Variants in ANKRD55 observed in about 807,000 individuals in gnomAD.
ANKRD55 encodes ankyrin repeat domain 55, also known as ankyrin repeat domain-containing protein 55.
ANKRD55 carries 41 observed loss-of-function variants against 60.6 expected under a neutral mutation model. That is an observed-to-expected ratio of 0.68 (90% CI 0.53 to 0.88). The LOEUF is 0.88. ANKRD55 is among the 40% of genes least tolerant of loss of function. ANKRD55 has a pLI of 0.00. For missense variants in ANKRD55, 732 were observed against 767.6 expected (o/e 0.95, Z 0.55); for synonymous variants, 264 against 290.3 (o/e 0.91, Z 0.92).
chr5:56,139,295 C>T (rs997497985), intron 7 of ANKRD55, among the ~76,000 whole-genome samples: 11 of 152,080 alleles, frequency 7.2e-5, no homozygotes, highest in South Asian at 2.1e-4. Flanking sequence ...TAGGGACCTA[C>T]GGTTCACAAA....
intron 5 of ANKRD55, among the ~76,000 whole-genome samples, chr5:56,165,804 CTG>C (rs1758432943): frequency 1.3e-5 from 2 of 152,116 alleles, no homozygotes; most frequent in Non-Finnish European, 2.9e-5. Context: ...TGGTGCGTGT[CTG>C]TAATCCCAGC....
rs576523525 is a variant in ANKRD55, at chr5:56,116,264, C to T, written c.965+351G>A. Among the ~76,000 whole-genome samples, 90 of 151,772 alleles carry T rather than the reference C, an allele frequency of 5.9e-4. 1 individual carries two copies. The highest frequency in any genetic ancestry group is 1.9e-3 in the African/African-American group (78 of 41,378). On this transcript the variant is annotated intron_variant, in intron 9 of 11. Coordinates refer to ENST00000341048, the MANE Select transcript of ANKRD55 (RefSeq NM_024669.3). ...TGAGAGTGTAAAAGGGTCCCGAGAA[C>T]GAAAGTTTGAGACTCATCAAATTAG...
intron 5 of ANKRD55, among the ~76,000 whole-genome samples, chr5:56,162,387 C>A (rs569192850): frequency 6.6e-6 from 1 of 152,282 alleles, no homozygotes; most frequent in South Asian, 2.1e-4. Flanking sequence ...CCCTTGGCTT[C>A]CTATCGGGTT....
intron 3 of ANKRD55, among the ~76,000 whole-genome samples, chr5:56,178,165 A>G (rs16885002): frequency 1.1e-4 from 17 of 151,826 alleles, no homozygotes; most frequent in Non-Finnish European, 2.5e-4. Flanking sequence ...ATGCATAACC[A>G]AATGATTACT....
intron 6 of ANKRD55, among the ~76,000 whole-genome samples, chr5:56,156,244 C>T (rs1021961624): frequency 2.6e-4 from 39 of 152,314 alleles, no homozygotes; most frequent in African/African-American, 8.7e-4. Flanking sequence ...TGTTGAGGCC[C>T]TTGCTCTGCT....
At chr5:56,171,437 T>C (rs540061278) in intron 4 of ANKRD55, among the ~76,000 whole-genome samples, 1 of 152,322 alleles carries the variant, frequency 6.6e-6, no homozygotes, top group African/African-American at 2.4e-5. Context: ...TGGCCACATC[T>C]CATGCTTGTC....
At chr5:56,217,082 G>T (rs1256528938) in intron 2 of ANKRD55, among the ~76,000 whole-genome samples, 1 of 152,234 alleles carries the variant, frequency 6.6e-6, no homozygotes, top group Non-Finnish European at 1.5e-5. Context: ...TGGAGTTGAA[G>T]CCAGTGCTCA....
In ANKRD55 at chr5:56,111,215, AG is replaced by A. The variant is rs1756684751; in HGVS notation, c.1532del (p.Ser511PhefsTer57). 6.2e-7 allele frequency: 1 copy of A among 1,614,218 alleles called. No individual in the cohort carries two copies. The highest frequency in any genetic ancestry group is 8.5e-7 in the Non-Finnish European group (1 of 1,180,040). On this transcript the variant is annotated frameshift_variant, in exon 10 of 12. Transcript: ENST00000341048. LOFTEE classifies it high-confidence loss of function. Reference protein sequence around the residue: ...VFSYKVWTVSSSDKLLDRLLS... With the variant: ...VFSYKVWTVSXSDKLLDRLLS... The stretch of plus-strand genomic sequence containing the variant: ...GCAATCTGTCCAGCAGCTTATCAGA[AG>A]AAGACACAGTCCAAACTTTGTAGGA...
chr5:56,143,249 T>C (rs148864439), intron 7 of ANKRD55, among the ~76,000 whole-genome samples: 168 of 152,312 alleles, frequency 1.1e-3, no homozygotes, highest in African/African-American at 3.8e-3. Context: ...TACACATTAG[T>C]GATTATTATT....
intron 5 of ANKRD55, among the ~76,000 whole-genome samples, chr5:56,164,562 T>A (rs1167054656): frequency 6.6e-6 from 1 of 152,182 alleles, no homozygotes; most frequent in Non-Finnish European, 1.5e-5. Context: ...ATGGAGACCA[T>A]GAAAAAGACC....
chr5:56,109,931 T>C (rs913608711), intron 10 of ANKRD55, among the ~76,000 whole-genome samples: 7 of 151,896 alleles, frequency 4.6e-5, no homozygotes, highest in African/African-American at 7.3e-5. Context: ...GGCAGGAGAA[T>C]CGCTTGAACC....
chr5:56,132,410 C>T (rs1272089632), intron 7 of ANKRD55, among the ~76,000 whole-genome samples: 3 of 134,314 alleles, frequency 2.2e-5, no homozygotes, highest in South Asian at 2.3e-4. Flanking sequence ...GAAACCCTGT[C>T]TCTACTTAAA....
At chr5:56,163,949 A>G (rs1247799528) in intron 5 of ANKRD55, among the ~76,000 whole-genome samples, 1 of 152,044 alleles carries the variant, frequency 6.6e-6, no homozygotes, top group East Asian at 1.9e-4. Context: ...AAAATTAGCC[A>G]GGCATGATGG....
intron 2 of ANKRD55, among the ~76,000 whole-genome samples, chr5:56,199,734 CA>C (rs1315036608): frequency 5.9e-5 from 9 of 151,418 alleles, no homozygotes; most frequent in Middle Eastern, 3.4e-3. Flanking sequence ...ACTAAAAGTA[CA>C]AAAAAATTAG....
At chr5:56,210,145 C>T (rs1759626900) in intron 2 of ANKRD55, among the ~76,000 whole-genome samples, 1 of 152,034 alleles carries the variant, frequency 6.6e-6, no homozygotes, top group African/African-American at 2.4e-5. Context: ...GTAGCTGGGA[C>T]TACAGGAGTG....
chr5:56,146,742 C>T (rs1757909538), intron 6 of ANKRD55: 1 of 152,196 alleles, frequency 6.6e-6, no homozygotes. Flanking sequence ...TCCAAACAAT[C>T]TTGTCCTTTG....
chr5:56,139,760 G>A (rs1757704603), intron 7 of ANKRD55, among the ~76,000 whole-genome samples: 1 of 152,202 alleles, frequency 6.6e-6, no homozygotes, highest in Non-Finnish European at 1.5e-5. Context: ...TTTGTGATTT[G>A]TTGGAAGAGC....
chr5:56,167,344 GTATT>G (rs771089719), intron 5 of ANKRD55, among the ~76,000 whole-genome samples: 28 of 152,198 alleles, frequency 1.8e-4, no homozygotes, highest in Non-Finnish European at 4.0e-4. Flanking sequence ...ACAGTGGTAA[GTATT>G]TATGTATCTA....
intron 6 of ANKRD55, among the ~76,000 whole-genome samples, chr5:56,148,036 A>G (rs1377127727): frequency 2.0e-5 from 3 of 152,242 alleles, no homozygotes; most frequent in African/African-American, 7.2e-5. Flanking sequence ...TGTGATGCAC[A>G]TAAAGGCAGA....
Sources: gnomAD v4.1 joint callset for allele counts (sites outside exome capture counted in the v4.1 genomes callset) on GRCh38, gnomAD v4.1.1 for gene constraint, MANE v1.5 for transcripts, NCBI Gene and HGNC (gene_info 2026-07-23, HGNC 2026-07-21) for gene names.